The following ABHD18 variants were observed in gnomAD, a reference collection of about 807,000 sequenced individuals.
The protein encoded by ABHD18 is abhydrolase domain containing 18, also known as cardiolipin-specific deacylase, mitochondrial.
ABHD18 carries 55 observed loss-of-function variants against 65.9 expected under a neutral mutation model. That is an observed-to-expected ratio of 0.84 (90% CI 0.67 to 1.05). ABHD18 has a LOEUF of 1.05. ABHD18 is among the 50% of genes least tolerant of loss of function. ABHD18 has a pLI of 0.00. For synonymous variants in ABHD18, 181 were observed against 180.2 expected (o/e 1.00, Z -0.04); for missense variants, 533 against 558.5 (o/e 0.95, Z 0.46).
Position 128,008,602 on chromosome 4 carries a change from A to G in ABHD18, c.279-318A>G, listed in dbSNP as rs1398335113. On this transcript the variant is annotated intron_variant, in intron 4 of 12. Transcript: ENST00000645843. ...TAGTTACTTCTTTTAAGACTTACTC[A>G]TATATAGTGGTGTCTCTACAAGATA... Among the ~76,000 whole-genome samples the G allele has an allele frequency of 4.6e-5, 7 of 152,110 alleles. No individual in the cohort carries two copies. The East Asian group carries it at 1.2e-3, about 25-fold the overall frequency.
At chr4:127,998,367 C>G (rs576383214) in intron 4 of ABHD18, among the ~76,000 whole-genome samples, 1 of 148,338 alleles carries the variant, frequency 6.7e-6, no homozygotes, top group Admixed American at 6.9e-5. Context: ...ACTGCATTCT[C>G]CTGCCTCAGC....
At chr4:128,009,789 C>T (rs528691817) in intron 6 of ABHD18, among the ~76,000 whole-genome samples, 6 of 152,122 alleles carry the variant, frequency 3.9e-5, no homozygotes, top group African/African-American at 1.4e-4. Flanking sequence ...ACATCATATC[C>T]CTTGACAAAA....
chr4:127,994,002 T>G (rs1751341217), intron 4 of ABHD18, among the ~76,000 whole-genome samples: 1 of 152,234 alleles, frequency 6.6e-6, no homozygotes, highest in Non-Finnish European at 1.5e-5. Context: ...AGAAACCTAT[T>G]TGTCCTATTG....
At chr4:128,007,484 G>T (rs1007454553) in intron 4 of ABHD18, among the ~76,000 whole-genome samples, 1 of 152,020 alleles carries the variant, frequency 6.6e-6, no homozygotes, top group Non-Finnish European at 1.5e-5. Flanking sequence ...ACTCATGCCT[G>T]TAATCCCAGC....
At position 128,001,772 on chromosome 4, in the gene ABHD18, G is replaced by A. The variant is rs1238742945; in HGVS notation, c.279-7148G>A. 3.9e-6 allele frequency: 6 copies of A among 1,541,698 alleles called. No homozygotes were observed. The African/African-American group carries it at 4.2e-5, about 11-fold the overall frequency. On this transcript the variant is annotated intron_variant, in intron 4 of 12. Transcript: ENST00000645843. ...ATTCTTCTACCTTTGTAGGTAACCAGTTATTTCTCTCTAGAAACTTTTGTG... is the reference window on the plus strand; with the variant it reads ...ATTCTTCTACCTTTGTAGGTAACCAATTATTTCTCTCTAGAAACTTTTGTG...
At chr4:127,995,206 T>G (rs190133293) in intron 4 of ABHD18, among the ~76,000 whole-genome samples, 153 of 152,340 alleles carry the variant, frequency 1.0e-3, no homozygotes, top group African/African-American at 3.6e-3. Context: ...TTATGCATAC[T>G]TGCAAATAAA....
chr4:127,991,653 C>T (rs192268413), intron 4 of ABHD18, among the ~76,000 whole-genome samples: 3 of 152,222 alleles, frequency 2.0e-5, no homozygotes, highest in Admixed American at 6.5e-5. Flanking sequence ...TTTTCCCCTA[C>T]ACTGTTGATA....
intron 1 of ABHD18, among the ~76,000 whole-genome samples, chr4:127,980,735 G>C (rs1748876012): frequency 6.7e-6 from 1 of 148,206 alleles, no homozygotes; most frequent in Non-Finnish European, 1.5e-5. Flanking sequence ...TGAGACAGGA[G>C]AATTGCTTGA....
intron 3 of ABHD18, among the ~76,000 whole-genome samples, chr4:127,986,507 A>C (rs998868908): frequency 6.6e-5 from 10 of 152,210 alleles, no homozygotes; most frequent in African/African-American, 2.4e-4. Flanking sequence ...GGCTATTATA[A>C]ATAATGCTGC....
chr4:127,985,970 G>A (rs1051443802), intron 3 of ABHD18, among the ~76,000 whole-genome samples: 23 of 151,946 alleles, frequency 1.5e-4, no homozygotes, highest in African/African-American at 4.6e-4. Flanking sequence ...AACCAAGATC[G>A]CGCCACAGCA....
chr4:127,987,815 A>T (rs564013048), intron 3 of ABHD18, among the ~76,000 whole-genome samples: 1 of 152,314 alleles, frequency 6.6e-6, no homozygotes, highest in Non-Finnish European at 1.5e-5. Flanking sequence ...ATTCAGTTTT[A>T]TAGAGATATT....
At chr4:127,973,930 C>T (rs1432279696) in intron 1 of ABHD18, among the ~76,000 whole-genome samples, 1 of 150,762 alleles carries the variant, frequency 6.6e-6, no homozygotes, top group African/African-American at 2.4e-5. Flanking sequence ...GTTCTTGTCT[C>T]TTCAAGCCTA....
chr4:128,032,443 T>C (rs1321220521), intron 12 of ABHD18, among the ~76,000 whole-genome samples: 1 of 152,184 alleles, frequency 6.6e-6, no homozygotes, highest in Non-Finnish European at 1.5e-5. Flanking sequence ...TCCCAGCACT[T>C]CAGGAGGCCA....
intron 1 of ABHD18, among the ~76,000 whole-genome samples, chr4:127,982,412 G>A (rs1386617424): frequency 6.6e-6 from 1 of 152,170 alleles, no homozygotes; most frequent in Non-Finnish European, 1.5e-5. Flanking sequence ...AGAGGGGAGT[G>A]TAGTGTGGTA....
chr4:128,012,388 G>T (rs1438766471), intron 7 of ABHD18, among the ~76,000 whole-genome samples: 1 of 152,170 alleles, frequency 6.6e-6, no homozygotes, highest in East Asian at 1.9e-4. Context: ...CTTTTAAAAT[G>T]ATAAACTCCA....
At chr4:128,031,479 T>A (rs180686233) in intron 12 of ABHD18, among the ~76,000 whole-genome samples, 5,545 of 151,554 alleles carry the variant, frequency 0.037, 328 homozygotes, top group African/African-American at 0.13. Flanking sequence ...AAAAAAAAAA[T>A]TTTTTTATGC....
chr4:128,038,533 T>G lies in ABHD18; in HGVS notation c.*2720T>G, dbSNP rs1759068615. 1 of 152,204 alleles carries G rather than the reference T, an allele frequency of 6.6e-6. No homozygotes were observed. Among genetic ancestry groups the G allele is most frequent in the Non-Finnish European group, 1.5e-5 (1 of 68,026 alleles). 9.4% of individuals were successfully genotyped at this position (152,204 alleles called of 1,614,324 possible). A position where few individuals can be genotyped will look rare whatever the true frequency, so the allele number is the denominator to read the frequency against. On this transcript the variant is annotated 3_prime_UTR_variant, in exon 13 of 13. Coordinates refer to ENST00000645843, the MANE Select transcript of ABHD18 (RefSeq NM_001358451.3). ...TTTTAATTCTTAGGCATAACTAACT[T>G]TTCTCAAATAAAGTGTGAAAGAAAG... is the stretch of plus-strand genomic sequence containing the variant.
intron 3 of ABHD18, among the ~76,000 whole-genome samples, chr4:127,985,132 A>G (rs986779829): frequency 5.3e-5 from 8 of 152,234 alleles, no homozygotes; most frequent in Middle Eastern, 3.2e-3. Flanking sequence ...GTTAAATAAC[A>G]CCAGGAAAAA....
chr4:128,022,845 A>G (rs1236316441), intron 10 of ABHD18, among the ~76,000 whole-genome samples: 3 of 147,514 alleles, frequency 2.0e-5, no homozygotes, highest in Non-Finnish European at 4.4e-5. Context: ...CTCTCAGCTC[A>G]CTGCAACCTC....
Sources: allele counts gnomAD v4.1 joint callset (sites outside exome capture counted in the v4.1 genomes callset), GRCh38; gene constraint gnomAD v4.1.1; transcripts MANE v1.5; gene names NCBI Gene and HGNC (gene_info 2026-07-23, HGNC 2026-07-21).